Variants in COL25A1 observed in about 807,000 individuals in gnomAD.
COL25A1 encodes the protein collagen type XXV alpha 1 chain.
In COL25A1, 103 loss-of-function variants were observed where a neutral mutation model predicts 128.4. That is an observed-to-expected ratio of 0.80 (90% CI 0.68 to 0.94). The LOEUF (loss-of-function observed/expected upper bound fraction) is 0.94. COL25A1 is among the 40% of genes least tolerant of loss of function. The pLI, the probability that COL25A1 is intolerant of heterozygous loss-of-function variation, is 0.00. For missense variants in COL25A1, 745 were observed against 840.0 expected (o/e 0.89, Z 1.40); for synonymous variants, 279 against 277.2 (o/e 1.01, Z -0.06).
At chr4:109,135,180 C>A (rs2126075184) in intron 3 of COL25A1, among the ~76,000 whole-genome samples, 1 of 152,088 alleles carries the variant, frequency 6.6e-6, no homozygotes, top group South Asian at 2.1e-4. Context: ...GTAAGCTGGT[C>A]TTACTGAGCT....
At chr4:109,026,106 A>G (rs1219476602) in intron 5 of COL25A1, among the ~76,000 whole-genome samples, 1 of 150,342 alleles carries the variant, frequency 6.7e-6, no homozygotes, top group African/African-American at 2.5e-5. Context: ...CTTTGCACAC[A>G]CACACACACA....
At position 108,851,888 on chromosome 4, in the gene COL25A1, C is replaced by A. The variant is rs1296147276; in HGVS notation, c.1389+348G>T. Among the ~76,000 whole-genome samples the A allele has an allele frequency of 2.0e-5, 3 of 152,226 alleles. No individual in the cohort carries two copies. The East Asian group carries it at 5.8e-4, about 29-fold the overall frequency. On this transcript the variant is annotated intron_variant, in intron 26 of 37. Coordinates refer to ENST00000399132, the MANE Select transcript of COL25A1 (RefSeq NM_198721.4). The stretch of plus-strand genomic sequence containing the variant: ...TTCTTGGTGTCAAGTTAAATTTTCT[C>A]TAATCCTCCTTTAATCAAACATTTT...
chr4:108,867,159 C>T (rs2048011666), intron 20 of COL25A1, among the ~76,000 whole-genome samples: 2 of 152,174 alleles, frequency 1.3e-5, no homozygotes, highest in South Asian at 2.1e-4. Context: ...TAGGAATGAA[C>T]TTCACTCTCT....
At chr4:109,261,766 C>T (rs1271662309) in intron 3 of COL25A1, among the ~76,000 whole-genome samples, 3 of 151,176 alleles carry the variant, frequency 2.0e-5, no homozygotes, top group African/African-American at 4.9e-5. Context: ...GGCATGATCT[C>T]GGCTCACTGC....
At chr4:108,909,780 A>G (rs1743993170) in intron 13 of COL25A1, among the ~76,000 whole-genome samples, 1 of 152,194 alleles carries the variant, frequency 6.6e-6, no homozygotes, top group African/African-American at 2.4e-5. Context: ...AGGAGTATGC[A>G]CGGTCACACA....
At chr4:108,897,167 T>C (rs1403067740) in intron 15 of COL25A1, among the ~76,000 whole-genome samples, 1 of 152,114 alleles carries the variant, frequency 6.6e-6, no homozygotes, top group African/African-American at 2.4e-5. Context: ...CAAGCATATC[T>C]CAAAATCTCC....
At chr4:108,887,433 G>A (rs1441959273) in intron 18 of COL25A1, among the ~76,000 whole-genome samples, 2 of 152,142 alleles carry the variant, frequency 1.3e-5, no homozygotes, top group Non-Finnish European at 2.9e-5. Flanking sequence ...TCAGTGTTGG[G>A]CTAAGTATTG....
intron 3 of COL25A1, among the ~76,000 whole-genome samples, chr4:109,184,433 A>G (rs1774953988): frequency 6.6e-6 from 1 of 152,166 alleles, no homozygotes; most frequent in African/African-American, 2.4e-5. Flanking sequence ...CAAAAGGATC[A>G]TGTCCAGGGC....
intron 3 of COL25A1, among the ~76,000 whole-genome samples, chr4:109,264,677 C>T (rs1781675383): frequency 6.6e-6 from 1 of 152,176 alleles, no homozygotes; most frequent in East Asian, 1.9e-4. Flanking sequence ...TAGATTCAGT[C>T]TGAGCCATTT....
intron 19 of COL25A1, among the ~76,000 whole-genome samples, chr4:108,876,191 C>T (rs1739425246): frequency 6.6e-6 from 1 of 150,452 alleles, no homozygotes; most frequent in South Asian, 2.1e-4. Context: ...GCACATGTAC[C>T]CTAGAACTTA....
intron 11 of COL25A1, 79 bp downstream of exon 11, chr4:108,937,729 T>TG: frequency 8.4e-7 from 1 of 1,192,214 alleles, no homozygotes; most frequent in South Asian, 1.4e-5. Context: ...ATATGACAGA[T>TG]ACATTCATCA....
chr4:108,839,499 G>A (rs974712600), intron 31 of COL25A1, among the ~76,000 whole-genome samples: 3 of 152,222 alleles, frequency 2.0e-5, no homozygotes, highest in Non-Finnish European at 4.4e-5. Flanking sequence ...AGGCTCAGTA[G>A]TCAGTGACTA....
chr4:109,093,561 CAG>C (rs1391895253), intron 3 of COL25A1, among the ~76,000 whole-genome samples: 5 of 151,712 alleles, frequency 3.3e-5, no homozygotes, highest in African/African-American at 1.2e-4. Context: ...TGCCTGAGCC[CAG>C]GAGTCTGAGG....
At chr4:108,868,158 TCTC>T (rs989070735) in intron 20 of COL25A1, among the ~76,000 whole-genome samples, 4 of 152,188 alleles carry the variant, frequency 2.6e-5, no homozygotes, top group African/African-American at 9.6e-5. Context: ...GAGTTCTATC[TCTC>T]CTCCTCAGAA....
At chr4:109,102,538 C>T (rs1412341647) in intron 3 of COL25A1, among the ~76,000 whole-genome samples, 1 of 152,098 alleles carries the variant, frequency 6.6e-6, no homozygotes, top group Non-Finnish European at 1.5e-5. Flanking sequence ...TTCAGGTATT[C>T]TATTTCATTA....
intron 3 of COL25A1, among the ~76,000 whole-genome samples, chr4:109,172,771 G>A (rs1298476901): frequency 2.0e-5 from 3 of 152,120 alleles, no homozygotes; most frequent in South Asian, 2.1e-4. Context: ...TGTTCTGTGT[G>A]CCTTTAAAAC....
At chr4:108,828,446 G>T (rs561239925) in intron 32 of COL25A1, among the ~76,000 whole-genome samples, 1 of 152,044 alleles carries the variant, frequency 6.6e-6, no homozygotes, top group Non-Finnish European at 1.5e-5. Context: ...GAAAAAGAGG[G>T]TTTAAAAACT....
intron 31 of COL25A1, among the ~76,000 whole-genome samples, chr4:108,834,931 G>A (rs1360064581): frequency 6.6e-6 from 1 of 152,122 alleles, no homozygotes; most frequent in Non-Finnish European, 1.5e-5. Context: ...GATTTTACAT[G>A]AACAATAATT....
Position 109,226,822 on chromosome 4 carries a change from G to A in COL25A1, c.367+73761C>T, listed in dbSNP as rs150028832. Among the ~76,000 whole-genome samples the A allele has an allele frequency of 4.4e-3, 672 of 152,034 alleles. 7 individuals carry two copies. Among genetic ancestry groups the A allele is most frequent in the Middle Eastern group, 0.017 (5 of 292 alleles). On this transcript the variant is annotated intron_variant, in intron 3 of 37. Transcript: ENST00000399132. Reference sequence around the variant, plus strand: ...ACCTTATATTAATACTACAAAATAGGCAATAATAATATTAATAATATACAC... The same window carrying A: ...ACCTTATATTAATACTACAAAATAGACAATAATAATATTAATAATATACAC...
Sources: gnomAD v4.1 joint callset for allele counts (sites outside exome capture counted in the v4.1 genomes callset) on GRCh38, gnomAD v4.1.1 for gene constraint, MANE v1.5 for transcripts, NCBI Gene and HGNC (gene_info 2026-07-23, HGNC 2026-07-21) for gene names.